Variants in PAPOLG observed in about 807,000 individuals in gnomAD.
PAPOLG encodes poly(A) polymerase gamma, also known as PAP-gamma.
Under a neutral mutation model 99.0 loss-of-function variants are expected in PAPOLG, and 40 were observed. The ratio of observed to expected loss-of-function variants is 0.40; its 90% CI spans 0.31 to 0.53. The LOEUF (loss-of-function observed/expected upper bound fraction) is 0.53. Among genes scored for constraint, PAPOLG ranks in the 20% least tolerant of loss-of-function variants. The pLI, the probability that PAPOLG is intolerant of heterozygous loss-of-function variation, is 0.41. For missense variants in PAPOLG, 675 were observed against 884.1 expected (o/e 0.76, Z 3.00); for synonymous variants, 310 against 299.3 (o/e 1.04, Z -0.37).
intron 1 of PAPOLG, 61 bp downstream of exon 1, chr2:60,756,556 CTG>C: frequency 3.3e-6 from 5 of 1,523,702 alleles, no homozygotes; most frequent in Non-Finnish European, 4.4e-6. Flanking sequence ...GGTGGTCCGA[CTG>C]TGTCCTTGTT....
chr2:60,759,488 A>G (rs1670460468), intron 1 of PAPOLG, among the ~76,000 whole-genome samples: 1 of 152,204 alleles, frequency 6.6e-6, no homozygotes, highest in African/African-American at 2.4e-5. Context: ...TGCCAGTAGT[A>G]TAAAGAATTT....
At chr2:60,780,381 T>C (rs1353829188) in intron 9 of PAPOLG, among the ~76,000 whole-genome samples, 1 of 151,756 alleles carries the variant, frequency 6.6e-6, no homozygotes, top group Non-Finnish European at 1.5e-5. Context: ...GCTCAAGTGA[T>C]CCTCTCACCT....
intron 1 of PAPOLG, among the ~76,000 whole-genome samples, chr2:60,759,293 AG>A (rs1223869539): frequency 4.6e-5 from 7 of 152,010 alleles, no homozygotes; most frequent in Non-Finnish European, 1.0e-4. Flanking sequence ...GCTTGAACCC[AG>A]GAGGCAGAGG....
intron 13 of PAPOLG, among the ~76,000 whole-genome samples, chr2:60,784,275 T>G (rs984574011): frequency 1.7e-4 from 26 of 152,140 alleles, no homozygotes; most frequent in African/African-American, 5.8e-4. Context: ...CCGGCCTGAG[T>G]TTTTCATTTT....
intron 3 of PAPOLG, among the ~76,000 whole-genome samples, chr2:60,762,946 TA>T (rs1297411463): frequency 7.9e-5 from 12 of 151,744 alleles, no homozygotes; most frequent in African/African-American, 2.2e-4. Flanking sequence ...TTCATTATTT[TA>T]TTTTATTTTT....
chr2:60,766,606 G>A (rs1166400094), intron 3 of PAPOLG, among the ~76,000 whole-genome samples: 7 of 151,758 alleles, frequency 4.6e-5, no homozygotes, highest in Non-Finnish European at 1.0e-4. Flanking sequence ...GTTTGAGGCT[G>A]TGGTGAGCTA....
intron 20 of PAPOLG, 87 bp from the exon 21 acceptor site, chr2:60,794,877 G>A: frequency 6.4e-7 from 1 of 1,572,088 alleles, no homozygotes; most frequent in East Asian, 2.2e-5. Flanking sequence ...TTATTTTCAG[G>A]TTTTCGTTAG....
intron 13 of PAPOLG, among the ~76,000 whole-genome samples, 171 bp downstream of exon 13, chr2:60,783,380 T>C (rs1449708656): frequency 7.2e-6 from 1 of 138,308 alleles, no homozygotes; most frequent in Non-Finnish European, 1.5e-5. Flanking sequence ...TGGAGTGCAG[T>C]GTCGCGATCT....
At chr2:60,777,686 T>C (rs1393337239) in intron 8 of PAPOLG, among the ~76,000 whole-genome samples, 1 of 152,198 alleles carries the variant, frequency 6.6e-6, no homozygotes, top group Admixed American at 6.5e-5. Context: ...GTGAGAGACA[T>C]ACGACTCTTT....
chr2:60,799,987 T>A lies in PAPOLG; in HGVS notation c.*2827T>A, dbSNP rs1413995098. 2.0e-5 allele frequency: 3 copies of A among 152,318 alleles called. No homozygotes were observed. 9.4% of individuals were successfully genotyped at this position (152,318 alleles called of 1,614,324 possible). ...TATTTTATGAAGTCAAATAATCTGTTCTTCAGTATATAGACACATGTTCAT... is the reference window on the plus strand; with the variant it reads ...TATTTTATGAAGTCAAATAATCTGTACTTCAGTATATAGACACATGTTCAT... On this transcript the variant is annotated 3_prime_UTR_variant, in exon 22 of 22. Transcript: ENST00000238714.
In PAPOLG at chr2:60,799,910, C is replaced by T. The variant is rs1021792946; in HGVS notation, c.*2750C>T. On this transcript the variant is annotated 3_prime_UTR_variant, in exon 22 of 22. Coordinates refer to ENST00000238714, the MANE Select transcript of PAPOLG (RefSeq NM_022894.4). ...AAAGTGCTGGGATTACAGGCGTGAACCACCGCACCCGGCCGTGTTTGTTTT... is the reference window on the plus strand; with the variant it reads ...AAAGTGCTGGGATTACAGGCGTGAATCACCGCACCCGGCCGTGTTTGTTTT... 1 of 152,228 alleles carries T rather than the reference C, an allele frequency of 6.6e-6. No individual in the cohort carries two copies. Among genetic ancestry groups the T allele is most frequent in the Non-Finnish European group, 1.5e-5 (1 of 68,036 alleles). 9.4% of individuals were successfully genotyped at this position (152,228 alleles called of 1,614,324 possible).
chr2:60,756,606 C>T (rs1670348455), intron 1 of PAPOLG, 111 bp downstream of exon 1: 2 of 1,209,748 alleles, frequency 1.7e-6, no homozygotes, highest in Non-Finnish European at 1.1e-6. Context: ...CGCAGCTCGC[C>T]GGGATGGTCT....
At position 60,799,041 on chromosome 2, in the gene PAPOLG, T is replaced by C. The variant is rs1671790482; in HGVS notation, c.*1881T>C. On this transcript the variant is annotated 3_prime_UTR_variant, in exon 22 of 22. Transcript: ENST00000238714. Reference sequence around the variant, plus strand: ...TTTTGGGATTGTTCTACAAATAGTCTATTTGAGCAAAAATGAATGATTATG... The same window carrying C: ...TTTTGGGATTGTTCTACAAATAGTCCATTTGAGCAAAAATGAATGATTATG... 1 of 152,394 alleles carries C rather than the reference T, an allele frequency of 6.6e-6. No homozygotes were observed. Among genetic ancestry groups the C allele is most frequent in the South Asian group, 2.1e-4 (1 of 4,836 alleles). The allele number at this position is 152,394 out of a possible 1,614,324, so 9.4% of individuals were successfully genotyped here. A position where few individuals can be genotyped will look rare whatever the true frequency, so the allele number is the denominator to read the frequency against.
intron 1 of PAPOLG, among the ~76,000 whole-genome samples, chr2:60,757,238 A>G (rs1670375528): frequency 6.6e-6 from 1 of 152,228 alleles, no homozygotes; most frequent in South Asian, 2.1e-4. Context: ...GCACACACGC[A>G]CACACACGGT....
At chr2:60,775,632 T>A (rs561356478) in intron 8 of PAPOLG, among the ~76,000 whole-genome samples, 1 of 152,232 alleles carries the variant, frequency 6.6e-6, no homozygotes, top group Non-Finnish European at 1.5e-5. Flanking sequence ...CACAGCACAT[T>A]CTGTATTATT....
intron 20 of PAPOLG, 33 bp from the exon 21 acceptor site, chr2:60,794,931 A>G (rs746781271): frequency 1.2e-6 from 2 of 1,607,944 alleles, no homozygotes; most frequent in Non-Finnish European, 8.5e-7. Flanking sequence ...TAGGAAAGTT[A>G]GTTTTCACTT....
chr2:60,787,996 C>T (rs141504979), intron 15 of PAPOLG, among the ~76,000 whole-genome samples: 33 of 151,452 alleles, frequency 2.2e-4, no homozygotes, highest in Admixed American at 9.9e-4. Flanking sequence ...GAGCCGAGAT[C>T]GCCCCACTGC....
chr2:60,776,921 A>G (rs1671037839), intron 8 of PAPOLG, among the ~76,000 whole-genome samples: 1 of 152,160 alleles, frequency 6.6e-6, no homozygotes. Flanking sequence ...TTTTAACTAG[A>G]TCTTCTGGAT....
chr2:60,760,968 T>C (rs990012663), intron 2 of PAPOLG, among the ~76,000 whole-genome samples: 1 of 152,148 alleles, frequency 6.6e-6, no homozygotes, highest in Non-Finnish European at 1.5e-5. Flanking sequence ...ATAATAGCCC[T>C]AGGAGGAAAT....
Sources: allele counts gnomAD v4.1 joint callset (sites outside exome capture counted in the v4.1 genomes callset), GRCh38; gene constraint gnomAD v4.1.1; transcripts MANE v1.5; gene names NCBI Gene and HGNC (gene_info 2026-07-23, HGNC 2026-07-21).